PHAX: variants seen among roughly 807,000 people sequenced by gnomAD.
PHAX encodes the protein phosphorylated adapter RNA export protein.
Under a neutral mutation model 41.6 loss-of-function variants are expected in PHAX, and 31 were observed. The observed-to-expected ratio is 0.75, with a 90% CI of 0.56 to 1.01. The LOEUF (loss-of-function observed/expected upper bound fraction) is 1.01, where lower values mean the gene tolerates loss of function less well. Ranked by LOEUF, PHAX falls within the 50% of genes least tolerant of loss-of-function variation. The pLI, the probability that PHAX is intolerant of heterozygous loss-of-function variation, is 0.00. For synonymous variants in PHAX, 175 were observed against 164.9 expected (o/e 1.06, Z -0.47); for missense variants, 453 against 472.9 (o/e 0.96, Z 0.39).
chr5:126,617,120 G>A, intron 3 of PHAX, 130 bp from the exon 4 acceptor site: 1 of 470,830 alleles, frequency 2.1e-6, no homozygotes, highest in Non-Finnish European at 3.8e-6. Flanking sequence ...TATTTTGTAA[G>A]AGTCAGAATC....
rs1477572056 is a variant in PHAX at position 126,601,034 on chromosome 5, C to G, written c.72C>G (p.Pro24=). The change falls in exon 1 of 5, where the codon CCC becomes CCG. Residue 24 remains proline (P), a synonymous_variant. Transcript: ENST00000297540. ...CGGATTCCGACATGACGGTCGCACC[C>G]AGCGACAGGCCGCTGCAATTGCCAG... ...SDSDSDMTVA[P]SDRPLQLPKV... 3 of 1,606,424 alleles carry G rather than the reference C, an allele frequency of 1.9e-6. No individual in the cohort carries two copies. Among genetic ancestry groups the G allele is most frequent in the African/African-American group, 2.7e-5 (2 of 73,562 alleles).
chr5:126,617,545 C>T (rs1752204996), intron 4 of PHAX, among the ~76,000 whole-genome samples: 1 of 151,804 alleles, frequency 6.6e-6, no homozygotes, highest in African/African-American at 2.4e-5. Flanking sequence ...GTGGCATGAT[C>T]TCAGCTCACT....
intron 3 of PHAX, among the ~76,000 whole-genome samples, chr5:126,616,609 G>T (rs1224494871): frequency 6.6e-6 from 1 of 151,990 alleles, no homozygotes; most frequent in Non-Finnish European, 1.5e-5. Context: ...GGTGGGTGCG[G>T]TGGCTCACAC....
At position 126,617,276 on chromosome 5, in the gene PHAX, TGGA is replaced by T. The variant is rs1395262992; in HGVS notation, c.860_862del (p.Gly287del). ...ATGGTAGTCGAAGAAGAACACCAGG[TGGA>T]GTTTTTCTGAATCTCTTGAAAAACA... On this transcript the variant is annotated inframe_deletion, in exon 4 of 5. Transcript: ENST00000297540. The T allele has an allele frequency of 1.9e-6, 3 of 1,611,986 alleles. No individual in the cohort carries two copies.
At position 126,603,841 on chromosome 5, in the gene PHAX, A is replaced by G. The variant is rs756424009; in HGVS notation, c.368A>G (p.Gln123Arg). ...AACAACATATGGGGTGCTGTGCTGCAGGAACAGAATCAAGATGCAGTGGCC... is the reference window on the plus strand; with the variant it reads ...AACAACATATGGGGTGCTGTGCTGCGGGAACAGAATCAAGATGCAGTGGCC... ...KINNIWGAVL[Q>R]EQNQDAVATE... is the part of the protein sequence containing the mutation. Residue 123 changes from glutamine to arginine, a missense_variant, in exon 2 of 5, where the codon CAG becomes CGG. Physicochemically the swap from Gln to Arg is conservative, Grantham distance 43. Transcript: ENST00000297540. 1 of 1,614,150 alleles carries G rather than the reference A, an allele frequency of 6.2e-7. No individual in the cohort carries two copies. The highest frequency in any genetic ancestry group is 2.2e-5 in the East Asian group (1 of 44,892).
intron 3 of PHAX, among the ~76,000 whole-genome samples, chr5:126,612,656 G>C (rs1752120806): frequency 6.6e-6 from 1 of 152,140 alleles, no homozygotes; most frequent in Non-Finnish European, 1.5e-5. Context: ...AGCCGGGATT[G>C]CGCCATTGGA....
chr5:126,620,527 C>T (rs1752253002), intron 4 of PHAX, among the ~76,000 whole-genome samples: 1 of 152,102 alleles, frequency 6.6e-6, no homozygotes, highest in South Asian at 2.1e-4. Context: ...TGCCTGAGAT[C>T]ACACAGACCA....
In PHAX at chr5:126,624,880, AAAAT is replaced by A. The variant is rs772202628; in HGVS notation, c.*39_*42del. The A allele has an allele frequency of 6.4e-7, 1 of 1,554,234 alleles. No individual in the cohort carries two copies. The highest frequency in any genetic ancestry group is 8.7e-7 in the Non-Finnish European group (1 of 1,152,206). ...AACAGTTTGAGGACTAAGCCTTTCT[AAAAT>A]AACATTGTAATAAACCATTTTTACT... On this transcript the variant is annotated 3_prime_UTR_variant, in exon 5 of 5. Transcript: ENST00000297540.
intron 3 of PHAX, among the ~76,000 whole-genome samples, chr5:126,612,456 T>G (rs1443552642): frequency 6.6e-6 from 1 of 152,106 alleles, no homozygotes; most frequent in Non-Finnish European, 1.5e-5. Context: ...TCCCACCACT[T>G]TGGGAGACCG....
At chr5:126,611,205 G>A (rs753303530) in intron 3 of PHAX, among the ~76,000 whole-genome samples, 14 of 151,856 alleles carry the variant, frequency 9.2e-5, no homozygotes, top group South Asian at 6.2e-4. Context: ...ACAGGCATGC[G>A]CCACCACCCC....
chr5:126,616,904 TTCACTGACTTAG>T (rs1464478309), intron 3 of PHAX, among the ~76,000 whole-genome samples: 1 of 151,302 alleles, frequency 6.6e-6, no homozygotes, highest in East Asian at 1.9e-4. Context: ...AAAAAGAATA[TTCACTGACTTAG>T]CCAGGTGGCA....
At chr5:126,608,259 C>T in intron 2 of PHAX, 105 bp from the exon 3 acceptor site, 1 of 1,353,526 alleles carries the variant, frequency 7.4e-7, no homozygotes, top group South Asian at 1.6e-5. Flanking sequence ...ATTTAGAAAA[C>T]CAAAAGTTAC....
At chr5:126,618,813 C>T (rs1325769070) in intron 4 of PHAX, among the ~76,000 whole-genome samples, 1 of 152,096 alleles carries the variant, frequency 6.6e-6, no homozygotes, top group Non-Finnish European at 1.5e-5. Context: ...CTTGCGCCAC[C>T]ACGCCCAGCT....
At chr5:126,607,641 G>A (rs950432866) in intron 2 of PHAX, among the ~76,000 whole-genome samples, 28 of 151,970 alleles carry the variant, frequency 1.8e-4, no homozygotes, top group Non-Finnish European at 4.1e-4. Flanking sequence ...AACCTCAGGT[G>A]ATCCACCCAC....
intron 3 of PHAX, among the ~76,000 whole-genome samples, chr5:126,614,754 C>G (rs772366912): frequency 6.6e-6 from 1 of 151,894 alleles, no homozygotes; most frequent in African/African-American, 2.4e-5. Context: ...AGACTCCTCT[C>G]CAACACCCAT....
chr5:126,607,763 T>G (rs145334547), intron 2 of PHAX, among the ~76,000 whole-genome samples: 85 of 152,344 alleles, frequency 5.6e-4, no homozygotes, highest in African/African-American at 2.0e-3. Flanking sequence ...AGGCTACCTA[T>G]GTTTCTAACC....
At chr5:126,609,767 T>C (rs549441337) in intron 3 of PHAX, among the ~76,000 whole-genome samples, 48 of 151,806 alleles carry the variant, frequency 3.2e-4, no homozygotes, top group Admixed American at 3.9e-4. Flanking sequence ...TGAGACGGAA[T>C]CTCACTCTGT....
intron 3 of PHAX, among the ~76,000 whole-genome samples, chr5:126,613,790 T>A (rs1752143791): frequency 6.6e-6 from 1 of 151,894 alleles, no homozygotes; most frequent in African/African-American, 2.4e-5. Flanking sequence ...TTTTTTTCCT[T>A]TTTGATACAG....
chr5:126,619,309 G>T (rs1406884278), intron 4 of PHAX, among the ~76,000 whole-genome samples: 1 of 152,084 alleles, frequency 6.6e-6, no homozygotes, highest in African/African-American at 2.4e-5. Flanking sequence ...CAGGCGTGGT[G>T]GCTCCTGTCT....
Sources: gnomAD v4.1 joint callset for allele counts (sites outside exome capture counted in the v4.1 genomes callset) on GRCh38, gnomAD v4.1.1 for gene constraint, MANE v1.5 for transcripts, NCBI Gene and HGNC (gene_info 2026-07-23, HGNC 2026-07-21) for gene names.